The following MYH3 variants were observed in gnomAD, a reference collection of about 807,000 sequenced individuals.
MYH3 encodes the protein myosin-3.
In MYH3, 130 loss-of-function variants were observed where a neutral mutation model predicts 238.0. The ratio of observed to expected loss-of-function variants is 0.55; its 90% CI spans 0.47 to 0.63. The LOEUF (loss-of-function observed/expected upper bound fraction) is 0.63. MYH3 is among the 30% of genes least tolerant of loss of function. The pLI is 0.00. For synonymous variants in MYH3, 880 were observed against 924.1 expected (o/e 0.95, Z 0.86); for missense variants, 1,853 against 2,374.9 (o/e 0.78, Z 4.57).
chr17:10,631,827 G>C lies in MYH3; in HGVS notation c.5146C>G (p.Leu1716Val). The C allele has an allele frequency of 6.2e-7, 1 of 1,614,168 alleles. No individual in the cohort carries two copies. The change falls in exon 35 of 41, where the codon CTG becomes GTG. Residue 1716 changes from leucine to valine, a missense_variant. By Grantham distance (32) the Leu-to-Val change is conservative. Around this residue, in one of 3 missense-constraint regions of MYH3, gnomAD observed 1,044 missense variants for 1,192.6 expected, o/e 0.88. Coordinates refer to ENST00000583535, the MANE Select transcript of MYH3 (RefSeq NM_002470.4). Reference protein sequence around the residue: ...ELLDSNERVQLLHTQNTSLIH... With the variant: ...ELLDSNERVQVLHTQNTSLIH... The stretch of plus-strand genomic sequence containing the variant: ...CCTCCCCTCACCTGGGTATGCAGCA[G>C]CTGCACCCTCTCGTTGGAGTCCAGG...
In MYH3 at chr17:10,651,618, C is replaced by T. The variant is rs768757905; in HGVS notation, c.399G>A (p.Pro133=). The T allele has an allele frequency of 2.0e-5, 33 of 1,613,954 alleles. No homozygotes were observed. Among genetic ancestry groups the T allele is most frequent in the African/African-American group, 8.0e-5 (6 of 74,894 alleles). The change falls in exon 5 of 41, where the codon CCG becomes CCA. Residue 133 remains proline, a synonymous_variant. Transcript: ENST00000583535. ...CVTVNPYKWL[P]VYNPEVVEGY... ...CTTCCACCACCTCGGGGTTGTACAC[C>T]GGCAGCCACTTGTAGGGGTTGACAG...
the MYH3 span, among the ~76,000 whole-genome samples, chr17:10,667,554 G>A: frequency 1.3e-5 from 2 of 151,854 alleles, no homozygotes; most frequent in African/African-American, 4.8e-5. Context: ...TGTGACAGGC[G>A]CCTGTAGTCC....
At chr17:10,673,958 C>A in the MYH3 span, 1 of 152,068 alleles carries the variant, frequency 6.6e-6, no homozygotes, top group African/African-American at 2.4e-5. Context: ...TTCATGGGAG[C>A]GAAATTAAAT....
At chr17:10,659,819 G>A (rs185098925), upstream of MYH3, among the ~76,000 whole-genome samples, 269 of 152,316 alleles carry the variant, frequency 1.8e-3, 1 homozygote, top group African/African-American at 4.9e-3. Flanking sequence ...TGCTGGAAGC[G>A]GTGAGAAGAG....
chr17:10,641,430 G>C, intron 17 of MYH3, 58 bp from the exon 18 acceptor site: 3 of 1,225,750 alleles, frequency 2.4e-6, no homozygotes, highest in Non-Finnish European at 3.6e-6. Flanking sequence ...TGAAGACAGA[G>C]ATCCATTGTA....
Position 10,654,852 on chromosome 17 carries a change from G to C in MYH3, c.204+9C>G, listed in dbSNP as rs374786690. On this transcript the variant is annotated intron_variant, in intron 3 of 40. Transcript: ENST00000583535. This position sits in a 1 kb window ranked among gnomAD's most constrained non-coding sequence, Gnocchi z 4.5. ...GGGCCAGCAGCCTGTGGAGGGTACA[G>C]AGCCTTACCCTGTTGTCCTCAGTTT... The C allele has an allele frequency of 8.3e-5, 134 of 1,613,934 alleles. 3 individuals carry two copies. In the East Asian group the frequency reaches 9.8e-4, roughly 12 times the overall value.
At chr17:10,674,443 C>CAAAA in the MYH3 span, 1 of 288,438 alleles carries the variant, frequency 3.5e-6, no homozygotes, top group African/African-American at 2.3e-5. Flanking sequence ...AACAAACAAA[C>CAAAA]AAACAAAAAA....
chr17:10,659,868 A>C (rs2074467616), upstream of MYH3, among the ~76,000 whole-genome samples: 1 of 152,218 alleles, frequency 6.6e-6, no homozygotes, highest in Non-Finnish European at 1.5e-5. Context: ...TCCAGGAGAA[A>C]TCCCGCAGTG....
chr17:10,640,803 G>C, intron 19 of MYH3, 117 bp from the exon 20 acceptor site: 2 of 1,320,974 alleles, frequency 1.5e-6, no homozygotes, highest in Non-Finnish European at 2.1e-6. Flanking sequence ...GGAGATGAGG[G>C]AACTAGCTCG....
At chr17:10,677,801 T>C in the MYH3 span, 1 of 152,186 alleles carries the variant, frequency 6.6e-6, no homozygotes, top group South Asian at 2.1e-4. Flanking sequence ...AGGTAAAGAT[T>C]TGCAAGGGAT....
At chr17:10,647,533 G>A in intron 8 of MYH3, 107 bp from the exon 9 acceptor site, 2 of 111,984 alleles carry the variant, frequency 1.8e-5, no homozygotes, top group Non-Finnish European at 5.0e-5. Flanking sequence ...TAAAATTTTT[G>A]TTTTGTTTTG....
intron 28 of MYH3, 68 bp from the exon 29 acceptor site, chr17:10,635,921 G>T: frequency 7.9e-7 from 1 of 1,273,770 alleles, no homozygotes; most frequent in Non-Finnish European, 1.1e-6. Flanking sequence ...TCTATTATGT[G>T]TAGGGCACTG....
At chr17:10,635,960 T>G in intron 28 of MYH3, 107 bp from the exon 29 acceptor site, 1 of 950,498 alleles carries the variant, frequency 1.1e-6, no homozygotes, top group Non-Finnish European at 1.7e-6. Context: ...CAGAAAATGA[T>G]AAGATATGGT....
intron 31 of MYH3, 151 bp downstream of exon 31, chr17:10,634,689 G>A: frequency 1.1e-6 from 1 of 918,734 alleles, no homozygotes. Flanking sequence ...TTGCAGATGA[G>A]GAAACTACAG....
chr17:10,649,955 A>T (rs1597491792), intron 6 of MYH3, among the ~76,000 whole-genome samples: 1 of 151,738 alleles, frequency 6.6e-6, no homozygotes, highest in African/African-American at 2.4e-5. Context: ...TTTATTTTTT[A>T]TTTATTTATT....
intron 4 of MYH3, 70 bp downstream of exon 4, chr17:10,652,350 T>C: frequency 6.4e-7 from 1 of 1,570,088 alleles, no homozygotes; most frequent in South Asian, 1.1e-5. Context: ...CCCACACACA[T>C]ACCTCTGCCT....
In MYH3 at chr17:10,638,177, C is replaced by A. The variant is rs1389469760; in HGVS notation, c.3595G>T (p.Asp1199Tyr). Reference sequence around the variant, plus strand: ...TGCTCCCCAAGCTCGGCCACACTATCCGCATGCTTCTTCCTCAGCGCGGCC... The same window carrying A: ...TGCTCCCCAAGCTCGGCCACACTATACGCATGCTTCTTCCTCAGCGCGGCC... ...MVAALRKKHA[D>Y]SVAELGEQID... The change falls in exon 27 of 41, where the codon GAT becomes TAT. Residue 1199 changes from aspartate (D) to tyrosine (Y), a missense_variant. Around this residue, in one of 3 missense-constraint regions of MYH3, gnomAD observed 1,044 missense variants for 1,192.6 expected, o/e 0.88. Coordinates refer to ENST00000583535, the MANE Select transcript of MYH3 (RefSeq NM_002470.4). The A allele has an allele frequency of 6.2e-7, 1 of 1,613,854 alleles. No individual in the cohort carries two copies. The highest frequency in any genetic ancestry group is 8.5e-7 in the Non-Finnish European group (1 of 1,180,020).
At chr17:10,656,722 C>T (rs1000249557) in intron 1 of MYH3, among the ~76,000 whole-genome samples, 15 of 152,222 alleles carry the variant, frequency 9.9e-5, no homozygotes, top group African/African-American at 3.1e-4. Flanking sequence ...CATTTAGAAT[C>T]GGACAGCAGG....
intron 32 of MYH3, 76 bp downstream of exon 32, chr17:10,633,941 G>GCCA (rs2074188806): frequency 5.7e-6 from 9 of 1,573,330 alleles, no homozygotes; most frequent in Non-Finnish European, 7.8e-6. Context: ...GAGTGATGAA[G>GCCA]CCACACCCAC....
Sources: allele counts gnomAD v4.1 joint callset (sites outside exome capture counted in the v4.1 genomes callset), GRCh38; gene constraint gnomAD v4.1.1; regional missense constraint gnomAD v4.1.1; non-coding constraint Gnocchi (gnomAD v3.1); transcripts MANE v1.5; gene names NCBI Gene and HGNC (gene_info 2026-07-23, HGNC 2026-07-21).